CEP128: variants seen among roughly 807,000 people sequenced by gnomAD.
CEP128 encodes the protein centrosomal protein 128kDa.
In CEP128, 132 loss-of-function variants were observed where a neutral mutation model predicts 156.7. The observed-to-expected ratio is 0.84, with a 90% confidence interval of 0.73 to 0.97. The LOEUF is 0.97. CEP128 is among the 50% of genes least tolerant of loss of function. The probability of loss-of-function intolerance (pLI) is 0.00; values close to 1 mark genes in which losing one functional copy is unlikely to be tolerated. For missense variants in CEP128, 1,252 were observed against 1,281.9 expected, an observed-to-expected ratio of 0.98 and a Z score of 0.36; for synonymous variants, 469 against 448.9, an observed-to-expected ratio of 1.04 and a Z score of -0.57.
intron 9 of CEP128, among the ~76,000 whole-genome samples, chr14:80,861,000 A>G (rs989115201): frequency 6.6e-6 from 1 of 152,008 alleles, no homozygotes; most frequent in African/African-American, 2.4e-5. Context: ...TAGACCAAAG[A>G]AACACTTAAA....
chr14:80,800,111 G>T (rs1883754606), intron 13 of CEP128, among the ~76,000 whole-genome samples: 2 of 152,150 alleles, frequency 1.3e-5, no homozygotes, highest in Admixed American at 1.3e-4. Flanking sequence ...GCTCAGGTGG[G>T]CATCATAGTC....
intron 17 of CEP128, among the ~76,000 whole-genome samples, chr14:80,757,959 A>C (rs768772405): frequency 1.5e-4 from 23 of 152,306 alleles, no homozygotes; most frequent in Admixed American, 3.9e-4. Context: ...AATTTTCCCT[A>C]ATCACCCGAG....
At chr14:80,916,605 G>C in intron 2 of CEP128, 43 bp from the exon 3 acceptor site, 1 of 1,485,556 alleles carries the variant, frequency 6.7e-7, no homozygotes, top group Non-Finnish European at 9.2e-7. Flanking sequence ...ACAGTAAAAA[G>C]CATGGAAATA....
intron 23 of CEP128, among the ~76,000 whole-genome samples, chr14:80,526,085 A>T (rs576321243): frequency 6.6e-6 from 1 of 152,144 alleles, no homozygotes; most frequent in Non-Finnish European, 1.5e-5. Flanking sequence ...TTTGCCCTCC[A>T]GGGGACATTT....
chr14:80,778,272 C>T (rs1355396907), intron 15 of CEP128, among the ~76,000 whole-genome samples: 6 of 152,066 alleles, frequency 3.9e-5, no homozygotes, highest in Non-Finnish European at 8.8e-5. Flanking sequence ...GGACTAGATG[C>T]TAAAGATAAC....
chr14:80,836,483 C>T lies in CEP128; in HGVS notation c.925-146G>A, dbSNP rs951303304. ...TTTCCTGCTCCATTTCCTCATTCCT[C>T]TCATCTCTTCCACAAAGAATAAATG... On this transcript the variant is annotated intron_variant, in intron 11 of 24. Transcript: ENST00000555265. 3.9e-6 allele frequency: 3 copies of T among 778,882 alleles called. No homozygotes were observed. In the African/African-American group the frequency reaches 5.2e-5, roughly 14 times the overall value. 48.2% of individuals were successfully genotyped at this position (778,882 alleles called of 1,614,324 possible). A position where few individuals can be genotyped will look rare whatever the true frequency, so the allele number is the denominator to read the frequency against.
intron 19 of CEP128, among the ~76,000 whole-genome samples, chr14:80,617,512 G>C (rs1165236951): frequency 6.6e-6 from 1 of 152,056 alleles, no homozygotes; most frequent in Non-Finnish European, 1.5e-5. Flanking sequence ...TGGGATTACA[G>C]GCATGAGCCA....
chr14:80,743,334 AG>A lies in CEP128; in HGVS notation c.2614-68del. 6 of 1,238,858 alleles carry A rather than the reference AG, an allele frequency of 4.8e-6. No individual in the cohort carries two copies. The East Asian group carries it at 7.5e-5, about 15-fold the overall frequency. The allele number at this position is 1,238,858 out of a possible 1,614,324, so 76.7% of individuals were successfully genotyped here. On this transcript the variant is annotated intron_variant, in intron 18 of 24. Transcript: ENST00000555265. ...AAAAGAGCAGCATTTCAAAACATGA[AG>A]AAAAAAATAAGTAACATAATTTGAA...
At chr14:80,693,845 A>G (rs2139322342) in intron 19 of CEP128, among the ~76,000 whole-genome samples, 1 of 152,332 alleles carries the variant, frequency 6.6e-6, no homozygotes, top group Admixed American at 6.5e-5. Context: ...CCTTGTCAAA[A>G]CAGATACACA....
upstream of CEP128, chr14:80,942,505 T>C (rs919802655): frequency 5.9e-5 from 9 of 152,224 alleles, no homozygotes; most frequent in African/African-American, 2.2e-4. Flanking sequence ...GTCATATGAA[T>C]TGCCCTTCTT....
intron 21 of CEP128, among the ~76,000 whole-genome samples, chr14:80,533,237 C>T (rs1232501917): frequency 6.6e-6 from 1 of 152,050 alleles, no homozygotes; most frequent in African/African-American, 2.4e-5. Context: ...CAAAGCAATG[C>T]CCTGATGATT....
intron 9 of CEP128, among the ~76,000 whole-genome samples, chr14:80,857,781 T>C (rs571450275): frequency 1.3e-5 from 2 of 148,746 alleles, no homozygotes; most frequent in South Asian, 4.2e-4. Context: ...AAAACATGAA[T>C]TGAATTAGTA....
At chr14:80,526,162 G>A (rs867568258) in intron 23 of CEP128, among the ~76,000 whole-genome samples, 47 of 152,178 alleles carry the variant, frequency 3.1e-4, no homozygotes, top group African/African-American at 9.6e-4. Context: ...CATCTAGTGC[G>A]TACATTTTAG....
At chr14:80,586,057 T>C (rs567068405) in intron 19 of CEP128, among the ~76,000 whole-genome samples, 9 of 152,208 alleles carry the variant, frequency 5.9e-5, no homozygotes, top group African/African-American at 2.2e-4. Flanking sequence ...GTTATTGGAA[T>C]CATTGACATT....
intron 18 of CEP128, among the ~76,000 whole-genome samples, chr14:80,745,904 T>C (rs75167922): frequency 0.065 from 9,937 of 151,962 alleles, 1,080 homozygotes; most frequent in African/African-American, 0.23. Context: ...GTCCAGCATA[T>C]TATAATACAT....
At chr14:80,489,008 A>C, downstream of CEP128, among the ~76,000 whole-genome samples, 1 of 147,708 alleles carries the variant, frequency 6.8e-6, no homozygotes. Flanking sequence ...GGGGGAGGGA[A>C]AGCATTAGGA....
At chr14:80,635,838 G>GA (rs1894159588) in intron 19 of CEP128, among the ~76,000 whole-genome samples, 1 of 152,170 alleles carries the variant, frequency 6.6e-6, no homozygotes. Flanking sequence ...CTGACTTCGT[G>GA]ATAGGCTGCA....
At chr14:80,944,306 G>C (rs1886274653), upstream of CEP128, among the ~76,000 whole-genome samples, 1 of 152,068 alleles carries the variant, frequency 6.6e-6, no homozygotes, top group African/African-American at 2.4e-5. Flanking sequence ...CCCACATGTT[G>C]GGGGAGGAAC....
Position 80,660,842 on chromosome 14 carries a change from C to G in CEP128, c.2807-80419G>C, listed in dbSNP as rs115048693. On this transcript the variant is annotated intron_variant, in intron 19 of 24. Coordinates refer to ENST00000555265, the MANE Select transcript of CEP128 (RefSeq NM_152446.5). The stretch of plus-strand genomic sequence containing the variant: ...TATCCTGTCTCTTCAGCACATTCTT[C>G]CTACACATACACCCTGAGACATTCA... Among the ~76,000 whole-genome samples, 1,488 of 152,270 alleles carry G rather than the reference C, an allele frequency of 9.8e-3. 34 individuals are homozygous for G. Among genetic ancestry groups the G allele is most frequent in the African/African-American group, 0.034 (1,417 of 41,554 alleles).
Sources: gnomAD v4.1 joint callset for allele counts (sites outside exome capture counted in the v4.1 genomes callset) on GRCh38, gnomAD v4.1.1 for gene constraint, MANE v1.5 for transcripts, NCBI Gene and HGNC (gene_info 2026-07-23, HGNC 2026-07-21) for gene names.